Variants in MTHFD2L observed in about 807,000 individuals in gnomAD.
The protein encoded by MTHFD2L is methylenetetrahydrofolate dehydrogenase (NADP+ dependent) 2 like, also known as bifunctional methylenetetrahydrofolate dehydrogenase/cyclohydrolase 2, mitochondrial.
A neutral mutation model predicts 34.9 loss-of-function variants in MTHFD2L; 29 were observed. The observed-to-expected ratio is 0.83, with a 90% CI of 0.62 to 1.13. The LOEUF (loss-of-function observed/expected upper bound fraction) is 1.13, where lower values mean the gene tolerates loss of function less well. Ranked by LOEUF, MTHFD2L falls within the 50% of genes most tolerant of loss-of-function variation. The pLI is 0.00. For missense variants in MTHFD2L, 481 were observed against 446.5 expected (o/e 1.08, Z -0.70); for synonymous variants, 167 against 155.7 (o/e 1.07, Z -0.54).
At chr4:74,126,212 T>C (rs981897322) in intron 1 of MTHFD2L, among the ~76,000 whole-genome samples, 1 of 152,214 alleles carries the variant, frequency 6.6e-6, no homozygotes, top group Non-Finnish European at 1.5e-5. Context: ...GATTTTATTA[T>C]AACTTATTTG....
chr4:74,178,559 T>C (rs1279332224), intron 3 of MTHFD2L, among the ~76,000 whole-genome samples: 1 of 151,974 alleles, frequency 6.6e-6, no homozygotes, highest in Non-Finnish European at 1.5e-5. Context: ...AGAGACTAAA[T>C]TGTTTGAGTG....
intron 6 of MTHFD2L, among the ~76,000 whole-genome samples, chr4:74,247,939 C>T (rs967922908): frequency 1.3e-5 from 2 of 152,056 alleles, no homozygotes; most frequent in African/African-American, 4.8e-5. Context: ...GTCTAAAATT[C>T]TCTTTTTTGG....
At chr4:74,193,996 G>A (rs1025664068) in intron 3 of MTHFD2L, 7 of 152,034 alleles carry the variant, frequency 4.6e-5, no homozygotes, top group Non-Finnish European at 1.0e-4. Context: ...GAGGGAAAAG[G>A]TTCAGTATTT....
chr4:74,162,962 T>G (rs1725781920), intron 1 of MTHFD2L, among the ~76,000 whole-genome samples: 1 of 152,230 alleles, frequency 6.6e-6, no homozygotes, highest in Non-Finnish European at 1.5e-5. Context: ...AATTTTAAAA[T>G]TATTTTGTTA....
intron 6 of MTHFD2L, among the ~76,000 whole-genome samples, chr4:74,227,725 A>G (rs957612970): frequency 1.3e-5 from 2 of 152,226 alleles, no homozygotes; most frequent in African/African-American, 4.8e-5. Context: ...GATATAAGCC[A>G]AGAATGGCTG....
At chr4:74,250,594 T>C (rs1465280176) in intron 6 of MTHFD2L, among the ~76,000 whole-genome samples, 3 of 152,238 alleles carry the variant, frequency 2.0e-5, no homozygotes. Flanking sequence ...GATATTGTTC[T>C]ACTATTTCCT....
chr4:74,157,894 C>G (rs1444848158), upstream of MTHFD2L: 1 of 676,668 alleles, frequency 1.5e-6, no homozygotes, highest in Non-Finnish European at 2.7e-6. Flanking sequence ...CTGCACGCTT[C>G]CACATCCTCA....
chr4:74,197,068 C>G (rs1049492918), intron 3 of MTHFD2L, among the ~76,000 whole-genome samples: 39 of 151,762 alleles, frequency 2.6e-4, no homozygotes, highest in African/African-American at 8.5e-4. Context: ...TTGATGACTT[C>G]TGTTTTTCCT....
intron 1 of MTHFD2L, among the ~76,000 whole-genome samples, chr4:74,138,415 C>T (rs1385785590): frequency 6.6e-6 from 1 of 152,100 alleles, no homozygotes; most frequent in African/African-American, 2.4e-5. Flanking sequence ...GGTTCTTGGC[C>T]TCACGGATTC....
chr4:74,140,131 C>T (rs1275380411), intron 1 of MTHFD2L, among the ~76,000 whole-genome samples: 2 of 151,282 alleles, frequency 1.3e-5, no homozygotes, highest in African/African-American at 4.9e-5. Context: ...GCCTGGGCAA[C>T]ATCTACAAAA....
chr4:74,186,455 A>AAC lies in MTHFD2L; in HGVS notation c.451+11053_451+11054insCA, dbSNP rs1397449637. On this transcript the variant is annotated intron_variant, in intron 3 of 7. Transcript: ENST00000325278. ...GAATCCATGAAAAAAAAAAAAAAAA[A>AAC]AAAACAGCTACTAGTACTAATAAGT... Among the ~76,000 whole-genome samples the AAC allele has an allele frequency of 6.6e-5, 10 of 151,040 alleles. No individual in the cohort carries two copies. In the South Asian group the frequency reaches 1.3e-3, roughly 19 times the overall value.
intron 1 of MTHFD2L, among the ~76,000 whole-genome samples, chr4:74,137,277 G>T (rs181871962): frequency 2.2e-4 from 33 of 152,170 alleles, no homozygotes; most frequent in Non-Finnish European, 4.0e-4. Context: ...GGAAAAAAAT[G>T]TAAACCTTAA....
At chr4:74,243,993 T>C (rs1742072364) in intron 6 of MTHFD2L, among the ~76,000 whole-genome samples, 1 of 152,202 alleles carries the variant, frequency 6.6e-6, no homozygotes, top group South Asian at 2.1e-4. Flanking sequence ...TATTTGTTCC[T>C]ACTGTTGTTA....
intron 3 of MTHFD2L, among the ~76,000 whole-genome samples, chr4:74,176,713 A>G (rs1307318795): frequency 1.3e-5 from 2 of 151,988 alleles, no homozygotes; most frequent in Non-Finnish European, 2.9e-5. Context: ...GTGTTATTGG[A>G]GGACTAGTAT....
At chr4:74,223,262 T>A (rs12500697) in intron 5 of MTHFD2L, among the ~76,000 whole-genome samples, 37,986 of 151,358 alleles carry the variant, frequency 0.25, 4,892 homozygotes, top group African/African-American at 0.31. Context: ...CACACACACA[T>A]ACACACACCA....
intron 3 of MTHFD2L, among the ~76,000 whole-genome samples, chr4:74,197,467 T>G (rs1733685092): frequency 1.3e-5 from 2 of 152,182 alleles, no homozygotes; most frequent in South Asian, 4.1e-4. Flanking sequence ...AGTGTTATAT[T>G]TGGAGCCCTA....
At chr4:74,229,506 G>T (rs115691528) in intron 6 of MTHFD2L, among the ~76,000 whole-genome samples, 3,119 of 152,238 alleles carry the variant, frequency 0.02, 31 homozygotes, top group Middle Eastern at 0.037. Context: ...AGGATTGCGT[G>T]ATATATATCA....
At chr4:74,206,955 C>T (rs950419536) in intron 5 of MTHFD2L, among the ~76,000 whole-genome samples, 3 of 152,070 alleles carry the variant, frequency 2.0e-5, no homozygotes, top group Non-Finnish European at 4.4e-5. Context: ...GACTAGAGTT[C>T]AGTGGCATGA....
At chr4:74,278,198 C>A (rs1360120582) in intron 6 of MTHFD2L, among the ~76,000 whole-genome samples, 2 of 152,096 alleles carry the variant, frequency 1.3e-5, no homozygotes, top group Non-Finnish European at 2.9e-5. Context: ...TCTAACCATT[C>A]TTCCCTAGAC....
Sources: gnomAD v4.1 joint callset for allele counts (sites outside exome capture counted in the v4.1 genomes callset) on GRCh38, gnomAD v4.1.1 for gene constraint, MANE v1.5 for transcripts, NCBI Gene and HGNC (gene_info 2026-07-23, HGNC 2026-07-21) for gene names.